Variants in EPHB1 observed in about 807,000 individuals in gnomAD.
The protein encoded by EPHB1 is EPH receptor B1.
In EPHB1, 30 loss-of-function variants were observed where a neutral mutation model predicts 94.4. The observed-to-expected ratio is 0.32, with a 90% CI of 0.24 to 0.43. The LOEUF (loss-of-function observed/expected upper bound fraction) is 0.43. EPHB1 is among the 20% of genes least tolerant of loss of function. The probability of loss-of-function intolerance (pLI) is 1.00; values close to 1 mark genes in which losing one functional copy is unlikely to be tolerated. For missense variants in EPHB1, 1,055 were observed against 1,308.3 expected (o/e 0.81, Z 2.99); for synonymous variants, 522 against 489.1 (o/e 1.07, Z -0.89).
intron 3 of EPHB1, among the ~76,000 whole-genome samples, chr3:135,088,505 G>A (rs867789251): frequency 2.8e-4 from 42 of 152,126 alleles, no homozygotes; most frequent in African/African-American, 7.5e-4. Context: ...AAATAAGTCC[G>A]GGTTGGATGG....
At position 134,811,242 on chromosome 3, in the gene EPHB1, GTTTT is replaced by G. The variant is rs397966930; in HGVS notation, c.58+15571_58+15574del. On this transcript the variant is annotated intron_variant, in intron 1 of 15. Transcript: ENST00000398015. Reference sequence around the variant, plus strand: ...TCTCATAGTTGCCCCTACTAAGAAGGTTTTTTTTTTTTTTTTTTTTTCTGTCTTG... The same window carrying G: ...TCTCATAGTTGCCCCTACTAAGAAGGTTTTTTTTTTTTTTTTTCTGTCTTG... Among the ~76,000 whole-genome samples, 24 of 73,898 alleles carry G rather than the reference GTTTT, an allele frequency of 3.2e-4. 1 individual carries two copies. The highest frequency in any genetic ancestry group is 4.6e-4 in the African/African-American group (11 of 23,896). 48.5% of individuals were successfully genotyped at this position (73,898 alleles called of 152,430 possible). A position where few individuals can be genotyped will look rare whatever the true frequency, so the allele number is the denominator to read the frequency against.
At chr3:134,799,926 AT>A (rs2035904612) in intron 1 of EPHB1, among the ~76,000 whole-genome samples, 1 of 152,322 alleles carries the variant, frequency 6.6e-6, no homozygotes, top group Admixed American at 6.5e-5. Flanking sequence ...GGACAGCACC[AT>A]GACCCCCTCC....
At chr3:135,129,772 G>A (rs1940354633) in intron 4 of EPHB1, among the ~76,000 whole-genome samples, 1 of 152,210 alleles carries the variant, frequency 6.6e-6, no homozygotes, top group Admixed American at 6.5e-5. Flanking sequence ...TAGTGGAATG[G>A]GTGCTAGACC....
chr3:134,985,523 G>C, intron 3 of EPHB1, among the ~76,000 whole-genome samples: 1 of 152,218 alleles, frequency 6.6e-6, no homozygotes, highest in Admixed American at 6.5e-5. Context: ...ATTGTGAACT[G>C]GTCCTTTATA....
intron 5 of EPHB1, among the ~76,000 whole-genome samples, chr3:135,140,069 T>C (rs1940766965): frequency 2.0e-5 from 3 of 152,192 alleles, no homozygotes; most frequent in African/African-American, 7.2e-5. Flanking sequence ...TCCAAGTACA[T>C]AGCTTCAGGA....
intron 1 of EPHB1, among the ~76,000 whole-genome samples, chr3:134,888,482 G>C (rs1381540926): frequency 1.3e-5 from 2 of 152,094 alleles, no homozygotes; most frequent in Non-Finnish European, 1.5e-5. Context: ...GGCAGAGGCG[G>C]GCACATCACA....
chr3:135,172,872 G>A (rs937144488), intron 9 of EPHB1, among the ~76,000 whole-genome samples: 6 of 152,162 alleles, frequency 3.9e-5, no homozygotes, highest in Admixed American at 6.5e-5. Context: ...TCAAGAAACC[G>A]TGTTAACTCT....
At chr3:135,013,265 A>C (rs1250495716) in intron 3 of EPHB1, among the ~76,000 whole-genome samples, 1 of 152,186 alleles carries the variant, frequency 6.6e-6, no homozygotes, top group African/African-American at 2.4e-5. Context: ...ATCGGGATTG[A>C]GTGAGTAGCA....
At chr3:135,178,219 C>CGGGGGGGGGGGGG (rs775780350) in intron 9 of EPHB1, among the ~76,000 whole-genome samples, 1 of 96,218 alleles carries the variant, frequency 1.0e-5, no homozygotes, top group African/African-American at 4.8e-5. Context: ...TTTGGGAGGC[C>CGGGGGGGGGGGGG]GGGGAGGGGG....
At chr3:135,037,526 T>C (rs1265904749) in intron 3 of EPHB1, among the ~76,000 whole-genome samples, 3 of 152,220 alleles carry the variant, frequency 2.0e-5, no homozygotes, top group Non-Finnish European at 2.9e-5. Flanking sequence ...ATAGACCAAG[T>C]CCATTTGACA....
chr3:135,163,037 A>T (rs1056191934), intron 7 of EPHB1, among the ~76,000 whole-genome samples: 3 of 152,190 alleles, frequency 2.0e-5, no homozygotes, highest in African/African-American at 7.2e-5. Context: ...CTGACTCCCC[A>T]AATTGAAAGC....
chr3:134,810,699 T>C (rs2036154753), intron 1 of EPHB1, among the ~76,000 whole-genome samples: 1 of 152,202 alleles, frequency 6.6e-6, no homozygotes, highest in South Asian at 2.1e-4. Flanking sequence ...CTTCATTACT[T>C]ACACCAGCTG....
At chr3:135,043,166 A>G (rs1369938774) in intron 3 of EPHB1, among the ~76,000 whole-genome samples, 1 of 152,066 alleles carries the variant, frequency 6.6e-6, no homozygotes, top group Non-Finnish European at 1.5e-5. Context: ...ACAGCTCCCT[A>G]TATCAAACTG....
chr3:134,908,378 G>A (rs2038380849), intron 1 of EPHB1, among the ~76,000 whole-genome samples: 1 of 152,206 alleles, frequency 6.6e-6, no homozygotes, highest in African/African-American at 2.4e-5. Flanking sequence ...TGGGCCCAGG[G>A]CCCAGACCTC....
chr3:134,936,157 A>G (rs1201315878), intron 2 of EPHB1, among the ~76,000 whole-genome samples: 2 of 152,150 alleles, frequency 1.3e-5, no homozygotes, highest in Non-Finnish European at 2.9e-5. Context: ...AGGAGTGGGA[A>G]TGAGGAGGGG....
intron 4 of EPHB1, among the ~76,000 whole-genome samples, chr3:135,108,476 C>T (rs1034808022): frequency 1.4e-4 from 21 of 152,174 alleles, no homozygotes; most frequent in Admixed American, 6.5e-5. Flanking sequence ...TTTTAATCTA[C>T]TGGGAGACCC....
At chr3:134,929,230 C>G (rs2038857054) in intron 2 of EPHB1, among the ~76,000 whole-genome samples, 1 of 152,168 alleles carries the variant, frequency 6.6e-6, no homozygotes. Context: ...TTTGACGTGA[C>G]AGAGCCATGA....
intron 10 of EPHB1, among the ~76,000 whole-genome samples, chr3:135,186,760 C>T (rs893848631): frequency 6.6e-6 from 1 of 152,170 alleles, no homozygotes; most frequent in Non-Finnish European, 1.5e-5. Flanking sequence ...CACTTTTTCT[C>T]TCTTCCTCAT....
chr3:135,102,571 G>A (rs1939071569), intron 3 of EPHB1, among the ~76,000 whole-genome samples: 1 of 152,200 alleles, frequency 6.6e-6, no homozygotes, highest in African/African-American at 2.4e-5. Context: ...CTTGTTTTAA[G>A]CATGAATTCT....
Sources: gnomAD v4.1 joint callset for allele counts (sites outside exome capture counted in the v4.1 genomes callset) on GRCh38, gnomAD v4.1.1 for gene constraint, MANE v1.5 for transcripts, NCBI Gene and HGNC (gene_info 2026-07-23, HGNC 2026-07-21) for gene names.